The following SECISBP2L variants were observed in gnomAD, a reference collection of about 807,000 sequenced individuals.
SECISBP2L encodes the protein SECIS binding protein 2 like, also known as selenocysteine insertion sequence-binding protein 2-like.
In SECISBP2L, 43 loss-of-function variants were observed where a neutral mutation model predicts 114.7. That is an observed-to-expected ratio of 0.38 (90% confidence interval 0.29 to 0.48). SECISBP2L has a LOEUF of 0.48. Among genes scored for constraint, SECISBP2L ranks in the 20% least tolerant of loss-of-function variants. The pLI, the probability that SECISBP2L is intolerant of heterozygous loss-of-function variation, is 0.98. For missense variants in SECISBP2L, 1,136 were observed against 1,301.1 expected (o/e 0.87, Z 1.95); for synonymous variants, 451 against 439.7 (o/e 1.03, Z -0.32).
chr15:49,041,563 G>T (rs556925207), intron 1 of SECISBP2L, among the ~76,000 whole-genome samples: 50 of 152,154 alleles, frequency 3.3e-4, no homozygotes, highest in Non-Finnish European at 6.2e-4. Context: ...CAAAGCACAC[G>T]TCGGCAGAGA....
intron 14 of SECISBP2L, among the ~76,000 whole-genome samples, chr15:49,002,131 C>G (rs1268363180): frequency 6.6e-6 from 1 of 152,138 alleles, no homozygotes; most frequent in Non-Finnish European, 1.5e-5. Context: ...CGTTTCCTGA[C>G]TTTTTAATGA....
chr15:49,010,833 C>T (rs939785586), intron 13 of SECISBP2L, among the ~76,000 whole-genome samples: 7 of 152,164 alleles, frequency 4.6e-5, no homozygotes, highest in African/African-American at 1.7e-4. Context: ...TCTTACCTTC[C>T]TACTGGGCTG....
Position 49,009,308 on chromosome 15 carries a change from T to G in SECISBP2L, c.1935A>C (p.Thr645=). Residue 645 remains threonine, a synonymous_variant, in exon 14 of 18, where the codon ACA becomes ACC. Coordinates refer to ENST00000559471, the MANE Select transcript of SECISBP2L (RefSeq NM_001193489.2). The part of the protein sequence containing the change: ...PASQNSPYCM[T]PVSQGSPASS... ...TAGCAGGAGAGCCTTGTGACACAGG[T>G]GTCATACAGTATGGAGAGTTCTGAC... The G allele has an allele frequency of 6.2e-7, 1 of 1,614,164 alleles. No individual in the cohort carries two copies.
chr15:49,040,941 T>TAA (rs139854856), intron 1 of SECISBP2L, among the ~76,000 whole-genome samples: 3 of 145,582 alleles, frequency 2.1e-5, no homozygotes, highest in Admixed American at 6.8e-5. Context: ...ATTATACAAA[T>TAA]AAAAAAAAAA....
At chr15:49,028,196 T>C (rs777866433) in intron 5 of SECISBP2L, 28 bp from the exon 6 acceptor site, 23 of 1,558,590 alleles carry the variant, frequency 1.5e-5, no homozygotes, top group East Asian at 2.3e-5. Flanking sequence ...AAGACAATTA[T>C]ACTCTACTTG....
intron 1 of SECISBP2L, among the ~76,000 whole-genome samples, chr15:49,040,527 C>CTTT (rs66527715): frequency 0.22 from 14,173 of 63,240 alleles, 4,648 homozygotes; most frequent in Non-Finnish European, 0.29. Context: ...CCAAACTATT[C>CTTT]TTTTTTTTTT....
intron 7 of SECISBP2L, among the ~76,000 whole-genome samples, chr15:49,020,950 T>A (rs1362191059): frequency 2.0e-5 from 3 of 152,150 alleles, no homozygotes; most frequent in Non-Finnish European, 4.4e-5. Context: ...TCACATAAAT[T>A]AGTATTATCA....
At chr15:49,011,408 C>T (rs575870196) in intron 13 of SECISBP2L, 22 of 207,400 alleles carry the variant, frequency 1.1e-4, no homozygotes, top group Admixed American at 3.3e-4. Flanking sequence ...GTATTTTGGA[C>T]GTAAAAGAAA....
rs1259699075 is a variant in SECISBP2L at position 49,027,493 on chromosome 15, A to C, written c.920-13T>G. ...CAATTTACACCACCTATAACAAATG[A>C]AATTTTAAATTATAATTTACTTATA... On this transcript the variant is annotated splice_polypyrimidine_tract_variant and intron_variant, in intron 6 of 17. Coordinates refer to ENST00000559471, the MANE Select transcript of SECISBP2L (RefSeq NM_001193489.2). 2.1e-6 allele frequency: 3 copies of C among 1,459,630 alleles called. No homozygotes were observed. In the Admixed American group the frequency reaches 5.4e-5, roughly 26 times the overall value. 90.4% of individuals were successfully genotyped at this position (1,459,630 alleles called of 1,614,324 possible).
At position 48,991,132 on chromosome 15, in the gene SECISBP2L, T is replaced by C. The variant is rs1404598191; in HGVS notation, c.*1112A>G. On this transcript the variant is annotated 3_prime_UTR_variant, in exon 18 of 18. Coordinates refer to ENST00000559471, the MANE Select transcript of SECISBP2L (RefSeq NM_001193489.2). ...TTTCAGCACAATTAGAACAACTTTC[T>C]CTTATCTTCTAAAACTTCCTCCTCT... is the stretch of plus-strand genomic sequence containing the variant. 4 of 152,224 alleles carry C rather than the reference T, an allele frequency of 2.6e-5. No individual in the cohort carries two copies. The highest frequency in any genetic ancestry group is 7.2e-5 in the African/African-American group (3 of 41,450). The allele number at this position is 152,224 out of a possible 1,614,324, so 9.4% of individuals were successfully genotyped here.
chr15:49,042,363 G>A (rs1903158635), intron 1 of SECISBP2L: 2 of 152,532 alleles, frequency 1.3e-5, no homozygotes, highest in Admixed American at 6.5e-5. Flanking sequence ...CCACTATGTT[G>A]TCCAGGCTGG....
rs770576476 is a variant in SECISBP2L, at chr15:48,992,964, CTG to C, written c.2624-40_2624-39del. 5.2e-6 allele frequency: 8 copies of C among 1,537,626 alleles called. No homozygotes were observed. In the African/African-American group the frequency reaches 6.9e-5, roughly 13 times the overall value. ...AGCAGATTTTTTAAAAACCAGAACA[CTG>C]TTTCAAAATCATGCAACTCTTTAAA... On this transcript the variant is annotated intron_variant, in intron 17 of 17. Coordinates refer to ENST00000559471, the MANE Select transcript of SECISBP2L (RefSeq NM_001193489.2).
intron 13 of SECISBP2L, among the ~76,000 whole-genome samples, chr15:49,010,511 TTTTGTTTG>T (rs920915051): frequency 2.0e-5 from 3 of 152,112 alleles, no homozygotes; most frequent in Non-Finnish European, 4.4e-5. Flanking sequence ...TTTTTGGTTT[TTTTGTTTG>T]TTTGTTTTTG....
chr15:49,018,560 C>A (rs1054209777), intron 8 of SECISBP2L, among the ~76,000 whole-genome samples: 2 of 152,090 alleles, frequency 1.3e-5, no homozygotes, highest in Non-Finnish European at 1.5e-5. Flanking sequence ...TTAGCCACCA[C>A]GCCCAGCATA....
At chr15:49,026,754 A>C (rs1320488267) in intron 7 of SECISBP2L, among the ~76,000 whole-genome samples, 1 of 152,230 alleles carries the variant, frequency 6.6e-6, no homozygotes, top group Non-Finnish European at 1.5e-5. Flanking sequence ...TAAGGAATCC[A>C]AGAAGGCCAT....
At chr15:49,034,683 G>A (rs78690229) in intron 3 of SECISBP2L, among the ~76,000 whole-genome samples, 1 of 39,086 alleles carries the variant, frequency 2.6e-5, no homozygotes, top group African/African-American at 9.7e-5. Flanking sequence ...TTTTTTTTTT[G>A]AGACAGGGTG....
At chr15:49,027,331 C>T (rs778486978) in intron 7 of SECISBP2L, 34 bp downstream of exon 7, 27 of 1,475,904 alleles carry the variant, frequency 1.8e-5, no homozygotes, top group Middle Eastern at 1.7e-4. Context: ...TCATCTCATA[C>T]CTAATCAATT....
intron 11 of SECISBP2L, among the ~76,000 whole-genome samples, chr15:49,014,145 A>G (rs1902491865): frequency 6.6e-6 from 1 of 152,206 alleles, no homozygotes; most frequent in African/African-American, 2.4e-5. Flanking sequence ...ATTGCCAAAT[A>G]CAATTCTCTG....
rs1264213079 is a variant in SECISBP2L, at chr15:49,035,469, G to T, written c.393C>A (p.Ser131=). The T allele has an allele frequency of 1.2e-6, 2 of 1,614,012 alleles. No individual in the cohort carries two copies. Among genetic ancestry groups the T allele is most frequent in the African/African-American group, 2.7e-5 (2 of 74,902 alleles). Residue 131 remains serine (S), a synonymous_variant, in exon 3 of 18, where the codon TCC becomes TCA. Transcript: ENST00000559471. ...CAGTATTTGCAGCCTGAAAGGTGTT[G>T]GAGTAAGGTGTAGGAAAAGGATGAT... The part of the protein sequence containing the change: ...GFYHPFPTPY[S]NTFQAANTVN...
Sources: gnomAD v4.1 joint callset for allele counts (sites outside exome capture counted in the v4.1 genomes callset) on GRCh38, gnomAD v4.1.1 for gene constraint, MANE v1.5 for transcripts, NCBI Gene and HGNC (gene_info 2026-07-23, HGNC 2026-07-21) for gene names.